The following CCDC85C variants were observed in gnomAD, a reference collection of about 807,000 sequenced individuals.
CCDC85C encodes coiled-coil domain containing 85C.
In CCDC85C, 18 loss-of-function variants were observed where a neutral mutation model predicts 38.3. The ratio of observed to expected loss-of-function variants is 0.47; its 90% CI spans 0.33 to 0.70. The LOEUF (loss-of-function observed/expected upper bound fraction) is 0.70. Among genes scored for constraint, CCDC85C ranks in the 30% least tolerant of loss-of-function variants. CCDC85C has a pLI of 0.03. For missense variants in CCDC85C, 566 were observed against 621.2 expected, an observed-to-expected ratio of 0.91 and a Z score of 0.94; for synonymous variants, 264 against 293.8, an observed-to-expected ratio of 0.90 and a Z score of 1.04.
rs200466804 is a variant in CCDC85C at position 99,511,323 on chromosome 14, CT to C, written c.*3922del. The C allele has an allele frequency of 0.018, 2,549 of 145,650 alleles. 60 individuals carry two copies. The highest frequency in any genetic ancestry group is 0.056 in the African/African-American group (2,254 of 40,076). 9.0% of individuals were successfully genotyped at this position (145,650 alleles called of 1,614,324 possible). A position where few individuals can be genotyped will look rare whatever the true frequency, so the allele number is the denominator to read the frequency against. On this transcript the variant is annotated 3_prime_UTR_variant, in exon 6 of 6. Transcript: ENST00000380243. ...TTGAAGGGGTTGCCTCATTGGATGGCTTTTTTTTTTTCCTCCAGGGAGAAGG... is the reference window on the plus strand; with the variant it reads ...TTGAAGGGGTTGCCTCATTGGATGGCTTTTTTTTTTCCTCCAGGGAGAAGG...
chr14:99,502,123 G>C lies in CCDC85C; in HGVS notation c.*13123C>G. On this transcript the variant is annotated 3_prime_UTR_variant, in exon 6 of 6. Transcript: ENST00000380243. ...TTTAGGGGAGAATAAGCAAATTAATGGTTAGTTATGGCATCTCCATGCACT... is the reference window on the plus strand; with the variant it reads ...TTTAGGGGAGAATAAGCAAATTAATCGTTAGTTATGGCATCTCCATGCACT... 7.3e-7 allele frequency: 1 copy of C among 1,369,858 alleles called. No individual in the cohort carries two copies. 84.9% of individuals were successfully genotyped at this position (1,369,858 alleles called of 1,614,324 possible).
intron 1 of CCDC85C, among the ~76,000 whole-genome samples, chr14:99,553,318 G>A (rs553503398): frequency 3.9e-5 from 6 of 152,026 alleles, no homozygotes; most frequent in South Asian, 2.1e-4. Context: ...CACAAACTCC[G>A]GGTTCAAATC....
chr14:99,555,971 C>T (rs915689478), intron 1 of CCDC85C, among the ~76,000 whole-genome samples: 2 of 152,242 alleles, frequency 1.3e-5, no homozygotes, highest in African/African-American at 4.8e-5. Context: ...GACACGGAAA[C>T]ATCAGACAGC....
chr14:99,603,021 C>A lies in CCDC85C; in HGVS notation c.793+146G>T. On this transcript the variant is annotated intron_variant, in intron 1 of 5. Transcript: ENST00000380243. This position sits in a 1 kb window ranked among gnomAD's most constrained non-coding sequence, Gnocchi z 7.5. ...CCCCACTTTGGGTGAGTGCGGGATCCCCTGGCCCAGGATCCATGACAGCTG... is the reference window on the plus strand; with the variant it reads ...CCCCACTTTGGGTGAGTGCGGGATCACCTGGCCCAGGATCCATGACAGCTG... The A allele has an allele frequency of 1.8e-6, 2 of 1,100,662 alleles. No homozygotes were observed. The highest frequency in any genetic ancestry group is 2.3e-6 in the Non-Finnish European group (2 of 865,720). The allele number at this position is 1,100,662 out of a possible 1,614,324, so 68.2% of individuals were successfully genotyped here.
chr14:99,583,806 T>C (rs2054999369), intron 1 of CCDC85C, among the ~76,000 whole-genome samples: 1 of 129,998 alleles, frequency 7.7e-6, no homozygotes, highest in Admixed American at 7.2e-5. Context: ...AGGCTCTGTC[T>C]TAAAAAAAAA....
At chr14:99,578,326 T>TTC (rs2054924790) in intron 1 of CCDC85C, among the ~76,000 whole-genome samples, 1 of 151,030 alleles carries the variant, frequency 6.6e-6, no homozygotes, top group African/African-American at 2.5e-5. Flanking sequence ...TGTGTGTGTG[T>TTC]GTGTGTGTGT....
At chr14:99,567,533 T>C (rs1416267901) in intron 1 of CCDC85C, among the ~76,000 whole-genome samples, 2 of 152,100 alleles carry the variant, frequency 1.3e-5, no homozygotes, top group Non-Finnish European at 1.5e-5. Context: ...AATCTTAAGA[T>C]AGGGCAGGAG....
Position 99,604,060 on chromosome 14 carries a change from C to CG in CCDC85C, c.-102dup. On this transcript the variant is annotated 5_prime_UTR_variant, in exon 1 of 6. Coordinates refer to ENST00000380243, the MANE Select transcript of CCDC85C (RefSeq NM_001144995.2). ...GGTCCGCGCGCGGGCGGGGGGCGGC[C>CG]GGGGGCGCGTGCGGCCCGCCCCGCG... 1.0e-6 allele frequency: 1 copy of CG among 971,260 alleles called. No homozygotes were observed. Among genetic ancestry groups the CG allele is most frequent in the Non-Finnish European group, 1.2e-6 (1 of 823,756 alleles). 60.2% of individuals were successfully genotyped at this position (971,260 alleles called of 1,614,324 possible).
intron 1 of CCDC85C, among the ~76,000 whole-genome samples, chr14:99,540,065 T>C (rs1180887569): frequency 1.3e-5 from 2 of 152,080 alleles, no homozygotes; most frequent in Non-Finnish European, 2.9e-5. Context: ...GGAGAATTGC[T>C]TGAACCCGGG....
rs745924584 is a variant in CCDC85C at position 99,544,891 on chromosome 14, G to A, written c.794-8803C>T. 1.1e-4 allele frequency among the ~76,000 whole-genome samples: 16 copies of A among 152,148 alleles called. No individual in the cohort carries two copies. The highest frequency in any genetic ancestry group is 2.4e-4 in the Non-Finnish European group (16 of 68,032). On this transcript the variant is annotated intron_variant, in intron 1 of 5. Coordinates refer to ENST00000380243, the MANE Select transcript of CCDC85C (RefSeq NM_001144995.2). The surrounding 1 kb of genome is among the most constrained non-coding windows in gnomAD (Gnocchi z 5.3). ...TCCACCTCCATGCCCGGAGACATGG[G>A]ATCATGGGAACCTAAAGTCCCACCT...
Position 99,536,433 on chromosome 14 carries a change from C to T in CCDC85C, c.794-345G>A, listed in dbSNP as rs191235510. ...GTGTGGGGGTGGCCTCGCCAGCCTG[C>T]CCTGGAGCAATTCCTTCAGCTTCCA... On this transcript the variant is annotated intron_variant, in intron 1 of 5. Transcript: ENST00000380243. Among the ~76,000 whole-genome samples the T allele has an allele frequency of 2.1e-3, 327 of 152,302 alleles. 1 individual carries two copies. Among genetic ancestry groups the T allele is most frequent in the Non-Finnish European group, 1.8e-3 (125 of 68,018 alleles).
At position 99,520,195 on chromosome 14, in the gene CCDC85C, G is replaced by C. The variant is rs185765016; in HGVS notation, c.975+1938C>G. On this transcript the variant is annotated intron_variant, in intron 3 of 5. Coordinates refer to ENST00000380243, the MANE Select transcript of CCDC85C (RefSeq NM_001144995.2). This position sits in a 1 kb window ranked among gnomAD's most constrained non-coding sequence, Gnocchi z 4.1. The stretch of plus-strand genomic sequence containing the variant: ...CCACAGGTAGCCTTAAAGGAGACTT[G>C]CCTGGGTCTGGAAGGGCCTGTGTGC... Among the ~76,000 whole-genome samples the C allele has an allele frequency of 1.5e-3, 231 of 152,276 alleles. No homozygotes were observed. The highest frequency in any genetic ancestry group is 5.3e-3 in the African/African-American group (220 of 41,564).
chr14:99,533,266 G>A lies in CCDC85C; in HGVS notation c.867+2749C>T, dbSNP rs578248654. ...ATGGCCCTGACAACACTTGCTGGGAGCCCCAGGGCAAGACCTCTGCCTGCT... is the reference window on the plus strand; with the variant it reads ...ATGGCCCTGACAACACTTGCTGGGAACCCCAGGGCAAGACCTCTGCCTGCT... On this transcript the variant is annotated intron_variant, in intron 2 of 5. Transcript: ENST00000380243. This position sits in a 1 kb window ranked among gnomAD's most constrained non-coding sequence, Gnocchi z 4.2. Among the ~76,000 whole-genome samples, 1 of 152,334 alleles carries A rather than the reference G, an allele frequency of 6.6e-6. No homozygotes were observed. The highest frequency in any genetic ancestry group is 2.4e-5 in the African/African-American group (1 of 41,584).
At chr14:99,583,809 A>T (rs2054999513) in intron 1 of CCDC85C, among the ~76,000 whole-genome samples, 1 of 91,900 alleles carries the variant, frequency 1.1e-5, no homozygotes, top group Non-Finnish European at 2.0e-5. Flanking sequence ...CTCTGTCTTA[A>T]AAAAAAAAAA....
At chr14:99,551,568 T>G (rs7141325) in intron 1 of CCDC85C, among the ~76,000 whole-genome samples, 20 of 118,740 alleles carry the variant, frequency 1.7e-4, no homozygotes, top group African/African-American at 5.7e-4. Flanking sequence ...CAGGTGGGTG[T>G]GCAGGTGAGT....
chr14:99,517,321 C>T (rs1017381505), intron 3 of CCDC85C, 138 bp from the exon 4 acceptor site: 5 of 676,082 alleles, frequency 7.4e-6, no homozygotes, highest in Middle Eastern at 4.1e-4. Context: ...GCAGAGGAGG[C>T]AGGTGTGAGG....
In CCDC85C at chr14:99,568,885, T is replaced by C. The variant is rs1226028451; in HGVS notation, c.794-32797A>G. On this transcript the variant is annotated intron_variant, in intron 1 of 5. Coordinates refer to ENST00000380243, the MANE Select transcript of CCDC85C (RefSeq NM_001144995.2). ...GTCACAGACAGAAAGGGAACCGTGATGAGGGGACGCTCCAGCAGACTTCTG... is the reference window on the plus strand; with the variant it reads ...GTCACAGACAGAAAGGGAACCGTGACGAGGGGACGCTCCAGCAGACTTCTG... Among the ~76,000 whole-genome samples, 6 of 152,210 alleles carry C rather than the reference T, an allele frequency of 3.9e-5. No homozygotes were observed. The South Asian group carries it at 8.3e-4, about 21-fold the overall frequency.
chr14:99,602,124 C>T (rs2055205193), intron 1 of CCDC85C, among the ~76,000 whole-genome samples: 1 of 152,234 alleles, frequency 6.6e-6, no homozygotes, highest in South Asian at 2.1e-4. Context: ...GCAGTTGCAA[C>T]TACCAGCAGA....
Position 99,501,677 on chromosome 14 carries a change from G to T in CCDC85C, c.*13569C>A. ...AACATAAGTCCAAAACAATACACTG[G>T]AGAATTTTGAAAACTAATTACTTAG... On this transcript the variant is annotated 3_prime_UTR_variant, in exon 6 of 6. Transcript: ENST00000380243. The T allele has an allele frequency of 2.3e-6, 1 of 426,428 alleles. No individual in the cohort carries two copies. The highest frequency in any genetic ancestry group is 4.1e-6 in the Non-Finnish European group (1 of 241,876). 26.4% of individuals were successfully genotyped at this position (426,428 alleles called of 1,614,324 possible).
Sources: allele counts gnomAD v4.1 joint callset (sites outside exome capture counted in the v4.1 genomes callset), GRCh38; gene constraint gnomAD v4.1.1; non-coding constraint Gnocchi (gnomAD v3.1); transcripts MANE v1.5; gene names NCBI Gene and HGNC (gene_info 2026-07-23, HGNC 2026-07-21).